Variants in CACNA1E observed in about 807,000 individuals in gnomAD.
CACNA1E encodes voltage-dependent R-type calcium channel subunit alpha-1E.
Under a neutral mutation model 259.2 loss-of-function variants are expected in CACNA1E, and 40 were observed. The ratio of observed to expected loss-of-function variants is 0.15; its 90% CI spans 0.12 to 0.20. The LOEUF (loss-of-function observed/expected upper bound fraction) is 0.20, where lower values mean the gene tolerates loss of function less well. Among genes scored for constraint, CACNA1E ranks in the 10% least tolerant of loss-of-function variants. CACNA1E has a pLI of 1.00. For missense variants in CACNA1E, 1,874 were observed against 3,040.1 expected, an observed-to-expected ratio of 0.62 and a Z score of 9.02; for synonymous variants, 1,104 against 1,138.5, an observed-to-expected ratio of 0.97 and a Z score of 0.61.
intron 43 of CACNA1E, among the ~76,000 whole-genome samples, chr1:181,789,037 T>G (rs1303049882): frequency 2.6e-5 from 4 of 152,312 alleles, no homozygotes; most frequent in African/African-American, 9.6e-5. Context: ...CTGGCTAATT[T>G]TTTTTGTAGA....
chr1:181,630,901 T>C (rs543711582), intron 6 of CACNA1E, among the ~76,000 whole-genome samples: 2 of 152,212 alleles, frequency 1.3e-5, no homozygotes, highest in East Asian at 3.9e-4. Context: ...CCATGTGTAC[T>C]GGTTTCAAGT....
intron 2 of CACNA1E, among the ~76,000 whole-genome samples, chr1:181,452,516 A>T (rs1227544203): frequency 6.6e-6 from 1 of 151,996 alleles, no homozygotes; most frequent in East Asian, 1.9e-4. Flanking sequence ...TGGGGAGGGG[A>T]TGGGAAGCAT....
chr1:181,354,822 CA>C (rs35697366), intron 1 of CACNA1E, among the ~76,000 whole-genome samples: 5 of 151,618 alleles, frequency 3.3e-5, no homozygotes, highest in African/African-American at 4.8e-5. Context: ...GAGAGGGAGG[CA>C]AAAAAGGAGG....
At chr1:181,319,477 G>A (rs1650178871) in intron 1 of CACNA1E, among the ~76,000 whole-genome samples, 1 of 152,178 alleles carries the variant, frequency 6.6e-6, no homozygotes, top group Non-Finnish European at 1.5e-5. Flanking sequence ...AAATACGTGG[G>A]TCTTGTAGGA....
At chr1:181,674,394 CAAAAAAAA>C (rs10711497) in intron 7 of CACNA1E, among the ~76,000 whole-genome samples, 7 of 43,566 alleles carry the variant, frequency 1.6e-4, no homozygotes, top group East Asian at 1.1e-3. Flanking sequence ...GACTCCATCT[CAAAAAAAA>C]AAAAAAAAAA....
At chr1:181,530,639 A>C (rs754768425) in intron 3 of CACNA1E, among the ~76,000 whole-genome samples, 3 of 152,230 alleles carry the variant, frequency 2.0e-5, no homozygotes, top group Non-Finnish European at 4.4e-5. Context: ...CATCGAAGAG[A>C]CTAAATGGAA....
rs532557819 is a variant in CACNA1E, at chr1:181,577,853, C to T, written c.600C>T (p.Leu200=). 3.4e-5 allele frequency: 55 copies of T among 1,609,056 alleles called. No homozygotes were observed. Among genetic ancestry groups the T allele is most frequent in the Middle Eastern group, 1.7e-4 (1 of 6,060 alleles). The change falls in exon 4 of 48, where the codon CTC becomes CTT. Residue 200 remains leucine (L), a synonymous_variant. Transcript: ENST00000367573. ...TGCGTGTCCTGCGGCCTTTGAAGCT[C>T]GTGTCAGGGATACCTAGTGAGCATC... The part of the protein sequence containing the change: ...RAVRVLRPLK[L]VSGIPSLQIV...
chr1:181,755,739 A>C (rs1187260553), intron 28 of CACNA1E, among the ~76,000 whole-genome samples: 3 of 152,246 alleles, frequency 2.0e-5, no homozygotes, highest in Non-Finnish European at 2.9e-5. Context: ...CACAGCCAGT[A>C]GTGAAAGGGT....
At chr1:181,399,730 A>G (rs1230536970) in intron 1 of CACNA1E, among the ~76,000 whole-genome samples, 1 of 152,252 alleles carries the variant, frequency 6.6e-6, no homozygotes, top group African/African-American at 2.4e-5. Context: ...TATTATGTAG[A>G]TACTACGTGC....
intron 3 of CACNA1E, among the ~76,000 whole-genome samples, chr1:181,525,017 A>G (rs574374835): frequency 1.5e-4 from 23 of 152,370 alleles, no homozygotes; most frequent in Middle Eastern, 3.4e-3. Context: ...TGTACAAAAC[A>G]TTTTGCTAAG....
At chr1:181,713,589 A>G (rs1034776606) in intron 8 of CACNA1E, among the ~76,000 whole-genome samples, 4 of 152,220 alleles carry the variant, frequency 2.6e-5, no homozygotes, top group Admixed American at 2.0e-4. Flanking sequence ...GAATTACGGT[A>G]ATGACTTTAA....
At chr1:181,334,564 T>C (rs1557920018) in intron 1 of CACNA1E, among the ~76,000 whole-genome samples, 1 of 152,206 alleles carries the variant, frequency 6.6e-6, no homozygotes, top group African/African-American at 2.4e-5. Flanking sequence ...ATCCTTCTAA[T>C]AGCTCTGGCC....
chr1:181,807,358 GA>G lies in CACNA1E; in HGVS notation c.*8525del, dbSNP rs1662703666. ...AGCCTCCTCTGAAAAAAGGTGGGGG[GA>G]TTATAGGGCACCAGCTCAGCCGCCA... On this transcript the variant is annotated 3_prime_UTR_variant, in exon 48 of 48. Transcript: ENST00000367573. 6.6e-6 allele frequency: 1 copy of G among 152,096 alleles called. No individual in the cohort carries two copies. Among genetic ancestry groups the G allele is most frequent in the African/African-American group, 2.4e-5 (1 of 41,396 alleles). The allele number at this position is 152,096 out of a possible 1,614,324, so 9.4% of individuals were successfully genotyped here. A position where few individuals can be genotyped will look rare whatever the true frequency, so the allele number is the denominator to read the frequency against.
In CACNA1E at chr1:181,687,219, G is replaced by A. The variant is rs1278568755; in HGVS notation, c.1056-23735G>A. Among the ~76,000 whole-genome samples the A allele has an allele frequency of 3.3e-5, 5 of 152,276 alleles. No homozygotes were observed. In the East Asian group the frequency reaches 9.6e-4, roughly 29 times the overall value. On this transcript the variant is annotated intron_variant, in intron 7 of 47. Coordinates refer to ENST00000367573, the MANE Select transcript of CACNA1E (RefSeq NM_001205293.3). ...AGTTGCCTGAGCAAGGGGAATAACA[G>A]CAGTTTCCCACCAAAAGTCTTCTAT... is the stretch of plus-strand genomic sequence containing the variant.
In CACNA1E at chr1:181,806,874, G is replaced by T. The variant is rs1180439966; in HGVS notation, c.*8040G>T. The T allele has an allele frequency of 1.3e-5, 2 of 152,300 alleles. No homozygotes were observed. The highest frequency in any genetic ancestry group is 3.9e-4 in the East Asian group (2 of 5,180). The allele number at this position is 152,300 out of a possible 1,614,324, so 9.4% of individuals were successfully genotyped here. On this transcript the variant is annotated 3_prime_UTR_variant, in exon 48 of 48. Transcript: ENST00000367573. ...GAGTGAAGCCTGCCAGGACCCTCAG[G>T]GTAAGCTGGCAGCAGGCTCTGCAGC...
intron 7 of CACNA1E, among the ~76,000 whole-genome samples, chr1:181,677,511 G>A (rs1443884190): frequency 6.6e-6 from 1 of 152,194 alleles, no homozygotes; most frequent in Non-Finnish European, 1.5e-5. Flanking sequence ...TTGGAAAAGA[G>A]TAGTCACAAA....
chr1:181,510,420 C>T, intron 1 of CACNA1E, 57 bp from the exon 2 acceptor site: 1 of 1,149,174 alleles, frequency 8.7e-7, no homozygotes, highest in Non-Finnish European at 1.3e-6. Context: ...TGGGCACGGC[C>T]ATCTTGGAGG....
At chr1:181,322,391 T>C (rs1355576889) in intron 1 of CACNA1E, among the ~76,000 whole-genome samples, 2 of 152,150 alleles carry the variant, frequency 1.3e-5, no homozygotes, top group Non-Finnish European at 2.9e-5. Flanking sequence ...AACTAGGCCA[T>C]TGGACCAAGT....
At chr1:181,421,365 G>A (rs913717176) in intron 2 of CACNA1E, among the ~76,000 whole-genome samples, 3 of 152,126 alleles carry the variant, frequency 2.0e-5, no homozygotes, top group Admixed American at 6.5e-5. Context: ...GTCTGGTGGG[G>A]GGTCCTCAAA....
Sources: allele counts gnomAD v4.1 joint callset (sites outside exome capture counted in the v4.1 genomes callset), GRCh38; gene constraint gnomAD v4.1.1; transcripts MANE v1.5; gene names NCBI Gene and HGNC (gene_info 2026-07-23, HGNC 2026-07-21).